The following VTI1A variants were observed in gnomAD, a reference collection of about 807,000 sequenced individuals.
The protein encoded by VTI1A is vesicle transport through interaction with t-SNAREs 1A.
A neutral mutation model predicts 34.9 loss-of-function variants in VTI1A; 22 were observed. The ratio of observed to expected loss-of-function variants is 0.63; its 90% CI spans 0.45 to 0.90. VTI1A has a LOEUF of 0.90. Among genes scored for constraint, VTI1A ranks in the 40% least tolerant of loss-of-function variants. The pLI, the probability that VTI1A is intolerant of heterozygous loss-of-function variation, is 0.00. For synonymous variants in VTI1A, 87 were observed against 97.3 expected, an observed-to-expected ratio of 0.89 and a Z score of 0.62; for missense variants, 268 against 275.6, an observed-to-expected ratio of 0.97 and a Z score of 0.20.
At chr10:112,579,790 G>T (rs1458016849) in intron 5 of VTI1A, among the ~76,000 whole-genome samples, 1 of 152,196 alleles carries the variant, frequency 6.6e-6, no homozygotes, top group East Asian at 1.9e-4. Context: ...GAGAAAGTAA[G>T]TGAAGAGAAT....
Position 112,734,987 on chromosome 10 carries a change from G to A in VTI1A, c.560+65989G>A, listed in dbSNP as rs528837127. The stretch of plus-strand genomic sequence containing the variant: ...TTTTCTTCTCCAAAGAAAAAACCAT[G>A]GGCCTACAAGGACCCCAAGTCAAGG... On this transcript the variant is annotated intron_variant, in intron 7 of 7. Coordinates refer to ENST00000393077, the MANE Select transcript of VTI1A (RefSeq NM_145206.4). 6.6e-5 allele frequency among the ~76,000 whole-genome samples: 10 copies of A among 152,210 alleles called. 1 individual carries two copies. Among genetic ancestry groups the A allele is most frequent in the Non-Finnish European group, 1.3e-4 (9 of 68,002 alleles).
chr10:112,779,790 A>T (rs1852059926), intron 7 of VTI1A, among the ~76,000 whole-genome samples: 1 of 152,162 alleles, frequency 6.6e-6, no homozygotes, highest in Non-Finnish European at 1.5e-5. Flanking sequence ...ACTCCCATAA[A>T]CAGGTGAGAT....
At chr10:112,577,795 A>C (rs1280332578) in intron 5 of VTI1A, among the ~76,000 whole-genome samples, 2 of 152,236 alleles carry the variant, frequency 1.3e-5, no homozygotes, top group African/African-American at 4.8e-5. Flanking sequence ...ATAGAATCAT[A>C]TGTACGTGGT....
At chr10:112,686,055 C>G (rs1342021639) in intron 7 of VTI1A, among the ~76,000 whole-genome samples, 3 of 152,124 alleles carry the variant, frequency 2.0e-5, no homozygotes, top group African/African-American at 4.8e-5. Flanking sequence ...ACTCTGGTTT[C>G]CTTACTGCAT....
intron 5 of VTI1A, among the ~76,000 whole-genome samples, chr10:112,550,661 T>G (rs1306290174): frequency 6.6e-6 from 1 of 152,212 alleles, no homozygotes; most frequent in African/African-American, 2.4e-5. Context: ...TCAAAGAGAC[T>G]GTCATGGTGG....
chr10:112,636,369 T>C (rs551767934), intron 5 of VTI1A, among the ~76,000 whole-genome samples: 1 of 152,334 alleles, frequency 6.6e-6, no homozygotes, highest in African/African-American at 2.4e-5. Flanking sequence ...CTCATTAATT[T>C]TCTCCTGCCA....
chr10:112,673,204 A>G (rs1028117833), intron 7 of VTI1A, among the ~76,000 whole-genome samples: 2 of 151,878 alleles, frequency 1.3e-5, no homozygotes, highest in Non-Finnish European at 2.9e-5. Context: ...AATCCCAGCT[A>G]CTTGGGAAGC....
chr10:112,709,577 A>G (rs914970789), intron 7 of VTI1A, among the ~76,000 whole-genome samples: 2 of 151,136 alleles, frequency 1.3e-5, no homozygotes, highest in Non-Finnish European at 2.9e-5. Flanking sequence ...TCTCTTCCCC[A>G]TAAAAATCCT....
At chr10:112,660,210 C>T (rs1484125651) in intron 5 of VTI1A, among the ~76,000 whole-genome samples, 1 of 152,158 alleles carries the variant, frequency 6.6e-6, no homozygotes, top group African/African-American at 2.4e-5. Flanking sequence ...AAGCGATTCT[C>T]CTGCCTCAGC....
At chr10:112,704,071 C>A (rs1007036317) in intron 7 of VTI1A, among the ~76,000 whole-genome samples, 1 of 152,170 alleles carries the variant, frequency 6.6e-6, no homozygotes, top group Non-Finnish European at 1.5e-5. Flanking sequence ...TTTCTTCGGT[C>A]TTATTTAAAA....
intron 1 of VTI1A, among the ~76,000 whole-genome samples, chr10:112,458,465 A>C (rs1174174969): frequency 6.6e-6 from 1 of 152,142 alleles, no homozygotes; most frequent in Non-Finnish European, 1.5e-5. Flanking sequence ...AGGGAAAATC[A>C]AGTTGAATTG....
the VTI1A span, among the ~76,000 whole-genome samples, chr10:112,851,912 T>C: frequency 6.6e-6 from 1 of 152,206 alleles, no homozygotes; most frequent in Non-Finnish European, 1.5e-5. Context: ...ATATTTAATA[T>C]CCCACCATGT....
At chr10:112,746,852 G>A (rs149912894) in intron 7 of VTI1A, among the ~76,000 whole-genome samples, 7 of 152,244 alleles carry the variant, frequency 4.6e-5, no homozygotes, top group South Asian at 2.1e-4. Flanking sequence ...TAATATGTCC[G>A]AACTAGAAGG....
At chr10:112,737,702 T>C in intron 7 of VTI1A, 1 of 1,057,606 alleles carries the variant, frequency 9.5e-7, no homozygotes, top group Non-Finnish European at 1.1e-6. Flanking sequence ...TCAAGGTCAC[T>C]GAGACCTACA....
downstream of VTI1A, among the ~76,000 whole-genome samples, chr10:112,821,818 C>G (rs1011776626): frequency 2.6e-5 from 4 of 152,328 alleles, no homozygotes; most frequent in African/African-American, 9.6e-5. Context: ...CAGCCCCACT[C>G]CCTGAGCCTC....
intron 4 of VTI1A, among the ~76,000 whole-genome samples, chr10:112,535,567 G>A (rs1850588234): frequency 6.6e-6 from 1 of 152,156 alleles, no homozygotes; most frequent in African/African-American, 2.4e-5. Flanking sequence ...GGGTTGTAGT[G>A]CATAGGGAGC....
chr10:112,664,114 C>T (rs1007058905), intron 5 of VTI1A, among the ~76,000 whole-genome samples: 2 of 152,148 alleles, frequency 1.3e-5, no homozygotes, highest in Non-Finnish European at 2.9e-5. Context: ...AAATAATTCG[C>T]TGGATACCAC....
At chr10:112,499,191 T>A (rs1217620616) in intron 3 of VTI1A, among the ~76,000 whole-genome samples, 1 of 152,164 alleles carries the variant, frequency 6.6e-6, no homozygotes, top group Non-Finnish European at 1.5e-5. Context: ...ATGATAGATA[T>A]CATACCTCTG....
chr10:112,822,428 A>G (rs981381107), downstream of VTI1A, among the ~76,000 whole-genome samples: 8 of 152,102 alleles, frequency 5.3e-5, no homozygotes, highest in African/African-American at 1.9e-4. Context: ...GCTGGGTTGG[A>G]GTTTGGACAG....
Sources: gnomAD v4.1 joint callset for allele counts (sites outside exome capture counted in the v4.1 genomes callset) on GRCh38, gnomAD v4.1.1 for gene constraint, MANE v1.5 for transcripts, NCBI Gene and HGNC (gene_info 2026-07-23, HGNC 2026-07-21) for gene names.